TANC1: variants seen among roughly 807,000 people sequenced by gnomAD.
TANC1 encodes the protein tetratricopeptide repeat, ankyrin repeat and coiled-coil containing 1.
TANC1 carries 77 observed loss-of-function variants against 149.7 expected under a neutral mutation model. The observed-to-expected ratio is 0.51, with a 90% CI of 0.43 to 0.62. TANC1 has a LOEUF of 0.62. Ranked by LOEUF, TANC1 falls within the 20% of genes least tolerant of loss-of-function variation. The pLI, the probability that TANC1 is intolerant of heterozygous loss-of-function variation, is 0.00. For missense variants in TANC1, 1,985 were observed against 2,321.8 expected (o/e 0.85, Z 2.98); for synonymous variants, 854 against 925.0 (o/e 0.92, Z 1.39).
At chr2:158,983,944 G>A (rs2034719094) in intron 1 of TANC1, among the ~76,000 whole-genome samples, 1 of 152,216 alleles carries the variant, frequency 6.6e-6, no homozygotes, top group African/African-American at 2.4e-5. Context: ...TTGCATTCTT[G>A]CCATTTATGG....
intron 19 of TANC1, among the ~76,000 whole-genome samples, chr2:159,200,122 G>T (rs929190087): frequency 3.3e-5 from 5 of 152,146 alleles, no homozygotes; most frequent in Admixed American, 1.3e-4. Context: ...AAACAGTATA[G>T]GCTGCTCTAT....
intron 4 of TANC1, among the ~76,000 whole-genome samples, chr2:159,127,656 A>T (rs966083998): frequency 2.6e-5 from 4 of 151,292 alleles, no homozygotes; most frequent in Admixed American, 6.6e-5. Flanking sequence ...TTGCAGGGAC[A>T]TGGATGAAGT....
Position 159,227,869 on chromosome 2 carries a change from GT to G in TANC1, c.3957del (p.Pro1320LeufsTer9). On this transcript the variant is annotated frameshift_variant, in exon 25 of 27. Transcript: ENST00000263635. LOFTEE classifies it high-confidence loss of function. ...AGAGGTACCAGTATGCCTTAAGAAA[GT>G]TTCCTCGAGAAGGATTCGGAGAGGA... ...AQRYQYALRK[F>X]PREGFGEDMR... The G allele has an allele frequency of 6.2e-7, 1 of 1,614,182 alleles. No individual in the cohort carries two copies. Among genetic ancestry groups the G allele is most frequent in the Non-Finnish European group, 8.5e-7 (1 of 1,180,026 alleles).
At chr2:159,050,126 G>GT (rs1384647704) in intron 2 of TANC1, among the ~76,000 whole-genome samples, 2 of 151,876 alleles carry the variant, frequency 1.3e-5, no homozygotes, top group African/African-American at 4.8e-5. Flanking sequence ...AATTTTTTTT[G>GT]TTTAAGAGCC....
intron 3 of TANC1, among the ~76,000 whole-genome samples, chr2:159,081,544 A>G (rs1442401970): frequency 1.3e-5 from 2 of 152,092 alleles, no homozygotes; most frequent in Non-Finnish European, 2.9e-5. Flanking sequence ...TAGCTTCCCA[A>G]ATGGAGATGT....
chr2:159,116,875 C>T (rs1232884082), intron 4 of TANC1, among the ~76,000 whole-genome samples: 1 of 152,226 alleles, frequency 6.6e-6, no homozygotes, highest in Non-Finnish European at 1.5e-5. Flanking sequence ...GCCCCAAGAG[C>T]TTAGTTATAA....
chr2:158,982,063 G>C (rs745472509), intron 1 of TANC1, among the ~76,000 whole-genome samples: 2 of 151,950 alleles, frequency 1.3e-5, no homozygotes, highest in African/African-American at 2.4e-5. Context: ...CCAAGTGCTA[G>C]TTGTATGTCT....
intron 3 of TANC1, among the ~76,000 whole-genome samples, chr2:159,072,264 G>A (rs909168640): frequency 6.6e-6 from 1 of 152,244 alleles, no homozygotes; most frequent in Non-Finnish European, 1.5e-5. Flanking sequence ...TTACAGGCGT[G>A]AGCCACTGTG....
At chr2:159,084,118 T>G (rs1461874127) in intron 3 of TANC1, among the ~76,000 whole-genome samples, 2 of 151,882 alleles carry the variant, frequency 1.3e-5, no homozygotes, top group East Asian at 3.9e-4. Flanking sequence ...GGGGTGGTGG[T>G]GAATGCCTGT....
chr2:159,016,863 T>G (rs780093502), intron 2 of TANC1, among the ~76,000 whole-genome samples: 1 of 152,138 alleles, frequency 6.6e-6, no homozygotes, highest in Non-Finnish European at 1.5e-5. Context: ...TGTGAGCCAC[T>G]GCACCCAGCC....
chr2:159,025,357 G>A (rs264597), intron 2 of TANC1, among the ~76,000 whole-genome samples: 66,851 of 151,462 alleles, frequency 0.44, 15,413 homozygotes, highest in African/African-American at 0.56. Flanking sequence ...ATACAATGTT[G>A]TTAACTATAG....
chr2:159,194,055 T>A (rs13432078), intron 16 of TANC1, among the ~76,000 whole-genome samples: 5,129 of 152,266 alleles, frequency 0.034, 116 homozygotes, highest in African/African-American at 0.065. Context: ...ACCATCTTAC[T>A]GTTTCCCAGT....
chr2:158,981,975 A>G (rs1217693915), intron 1 of TANC1, among the ~76,000 whole-genome samples: 1 of 152,164 alleles, frequency 6.6e-6, no homozygotes, highest in African/African-American at 2.4e-5. Context: ...AACCCAGACA[A>G]GCAAATAAAA....
chr2:159,214,574 G>A (rs892127794), intron 19 of TANC1, among the ~76,000 whole-genome samples: 1 of 152,220 alleles, frequency 6.6e-6, no homozygotes, highest in Admixed American at 6.5e-5. Context: ...TACCTCCTTG[G>A]AGAGCTGCAA....
chr2:159,113,557 C>G (rs1368887829), intron 4 of TANC1, among the ~76,000 whole-genome samples: 3 of 152,216 alleles, frequency 2.0e-5, no homozygotes, highest in Admixed American at 1.3e-4. Context: ...CATGTTCCAT[C>G]AAACTGGTCC....
chr2:159,159,715 TGTGAGAGAGA>T (rs1414899678), intron 7 of TANC1, among the ~76,000 whole-genome samples: 2 of 63,162 alleles, frequency 3.2e-5, no homozygotes, highest in African/African-American at 6.0e-5. Flanking sequence ...TGTGTGTGTG[TGTGAGAGAGA>T]GAGAGAGAGA....
At chr2:159,083,761 AT>A (rs1270824006) in intron 3 of TANC1, among the ~76,000 whole-genome samples, 1 of 152,248 alleles carries the variant, frequency 6.6e-6, no homozygotes, top group East Asian at 1.9e-4. Flanking sequence ...TTGAGAATTC[AT>A]GATTAGAATG....
chr2:158,976,950 A>G (rs1458882450), intron 1 of TANC1, among the ~76,000 whole-genome samples: 1 of 152,146 alleles, frequency 6.6e-6, no homozygotes, highest in African/African-American at 2.4e-5. Context: ...ACTTAAAAAT[A>G]CTGTTTGACT....
chr2:159,156,634 T>C (rs1041718997), intron 7 of TANC1, among the ~76,000 whole-genome samples: 1 of 152,232 alleles, frequency 6.6e-6, no homozygotes, highest in African/African-American at 2.4e-5. Flanking sequence ...ATGACAGTGA[T>C]TGATACCTCT....
Sources: gnomAD v4.1 joint callset for allele counts (sites outside exome capture counted in the v4.1 genomes callset) on GRCh38, gnomAD v4.1.1 for gene constraint, MANE v1.5 for transcripts, NCBI Gene and HGNC (gene_info 2026-07-23, HGNC 2026-07-21) for gene names.